KCNH7: variants seen among roughly 807,000 people sequenced by gnomAD.
KCNH7 encodes the protein potassium voltage-gated channel subfamily H member 7.
In KCNH7, 49 loss-of-function variants were observed where a neutral mutation model predicts 120.8. That is an observed-to-expected ratio of 0.41 (90% confidence interval 0.32 to 0.51). KCNH7 has a LOEUF of 0.51. Among genes scored for constraint, KCNH7 ranks in the 20% least tolerant of loss-of-function variants. The pLI, the probability that KCNH7 is intolerant of heterozygous loss-of-function variation, is 0.38. For synonymous variants in KCNH7, 547 were observed against 516.1 expected (o/e 1.06, Z -0.81); for missense variants, 1,097 against 1,446.6 (o/e 0.76, Z 3.92).
At chr2:162,405,654 A>G (rs942799783) in intron 9 of KCNH7, among the ~76,000 whole-genome samples, 2 of 152,034 alleles carry the variant, frequency 1.3e-5, no homozygotes, top group Non-Finnish European at 2.9e-5. Context: ...GAATGCAAAA[A>G]TGAATGTGTG....
chr2:162,550,611 C>A (rs1337127595), intron 2 of KCNH7, among the ~76,000 whole-genome samples: 1 of 152,052 alleles, frequency 6.6e-6, no homozygotes, highest in Non-Finnish European at 1.5e-5. Context: ...TAGCCCTGGG[C>A]CACTGCACCA....
intron 6 of KCNH7, among the ~76,000 whole-genome samples, chr2:162,503,126 C>T (rs1404144002): frequency 1.3e-5 from 2 of 152,002 alleles, no homozygotes; most frequent in Non-Finnish European, 2.9e-5. Context: ...GCCACAGTCC[C>T]CATTGCCATG....
intron 2 of KCNH7, among the ~76,000 whole-genome samples, chr2:162,652,048 A>T (rs189436771): frequency 6.6e-6 from 1 of 152,166 alleles, no homozygotes; most frequent in Admixed American, 6.5e-5. Flanking sequence ...TTAAAGTTTT[A>T]TTCTTCTGTA....
intron 9 of KCNH7, among the ~76,000 whole-genome samples, chr2:162,409,816 G>A (rs552930287): frequency 6.6e-6 from 1 of 151,974 alleles, no homozygotes; most frequent in Admixed American, 6.6e-5. Context: ...AATTAAGAAT[G>A]CAATCTCATT....
At chr2:162,624,889 G>GTTTTTTTT (rs66562676) in intron 2 of KCNH7, among the ~76,000 whole-genome samples, 9 of 69,738 alleles carry the variant, frequency 1.3e-4, no homozygotes, top group Middle Eastern at 0.012. Flanking sequence ...TGCACTCTTG[G>GTTTTTTTT]TTTTTTTTTT....
chr2:162,622,663 C>T (rs750466980), intron 2 of KCNH7, among the ~76,000 whole-genome samples: 29 of 152,032 alleles, frequency 1.9e-4, no homozygotes, highest in Non-Finnish European at 3.5e-4. Flanking sequence ...TCGTGAAATG[C>T]AATGATAAAT....
chr2:162,524,377 A>G (rs1691630715), intron 3 of KCNH7, among the ~76,000 whole-genome samples: 2 of 151,986 alleles, frequency 1.3e-5, no homozygotes, highest in South Asian at 4.1e-4. Context: ...TTAAACTACA[A>G]TTTCCAGGGA....
intron 2 of KCNH7, among the ~76,000 whole-genome samples, chr2:162,621,080 CCTT>C (rs1362907394): frequency 6.6e-6 from 1 of 151,886 alleles, no homozygotes; most frequent in East Asian, 1.9e-4. Context: ...TCATTTCACA[CCTT>C]CTTATGGTGT....
intron 2 of KCNH7, among the ~76,000 whole-genome samples, chr2:162,659,372 C>T (rs566717075): frequency 4.1e-5 from 6 of 145,928 alleles, no homozygotes; most frequent in African/African-American, 1.5e-4. Flanking sequence ...GACTCAGTCT[C>T]GCTTTGTCAC....
At chr2:162,539,286 C>T (rs1692221730) in intron 2 of KCNH7, among the ~76,000 whole-genome samples, 1 of 152,058 alleles carries the variant, frequency 6.6e-6, no homozygotes, top group Non-Finnish European at 1.5e-5. Flanking sequence ...AACCAAAATA[C>T]ATATTGATTT....
chr2:162,684,513 A>C (rs1276053387), intron 2 of KCNH7, among the ~76,000 whole-genome samples: 1 of 152,186 alleles, frequency 6.6e-6, no homozygotes, highest in African/African-American at 2.4e-5. Context: ...GAAAAAAACA[A>C]ACAACCCCAT....
intron 2 of KCNH7, among the ~76,000 whole-genome samples, chr2:162,628,397 C>T (rs1024936391): frequency 6.6e-6 from 1 of 152,074 alleles, no homozygotes; most frequent in Non-Finnish European, 1.5e-5. Flanking sequence ...CACACTGTCT[C>T]TCTATGTGGG....
At chr2:162,468,066 C>T (rs1365670228) in intron 6 of KCNH7, among the ~76,000 whole-genome samples, 1 of 152,178 alleles carries the variant, frequency 6.6e-6, no homozygotes, top group Non-Finnish European at 1.5e-5. Context: ...GACCACAGAA[C>T]TGACTCTGTC....
intron 2 of KCNH7, among the ~76,000 whole-genome samples, chr2:162,707,721 A>G (rs1002048227): frequency 6.6e-6 from 1 of 152,092 alleles, no homozygotes; most frequent in Non-Finnish European, 1.5e-5. Flanking sequence ...CAAGGTAGGG[A>G]AGGATACAGT....
intron 14 of KCNH7, among the ~76,000 whole-genome samples, chr2:162,377,874 T>A (rs1218497204): frequency 6.6e-6 from 1 of 152,196 alleles, no homozygotes; most frequent in Non-Finnish European, 1.5e-5. Flanking sequence ...AATAATAACA[T>A]ACTAATGTAA....
In KCNH7 at chr2:162,396,843, T is replaced by C; in HGVS notation, c.2510A>G (p.Gln837Arg). Residue 837 changes from glutamine to arginine, a missense_variant, in exon 11 of 16, where the codon CAG (glutamine) becomes CGG (arginine). Gln to Arg is a conservative substitution (Grantham distance 43, BLOSUM62 1). Transcript: ENST00000332142. ...ALTYCDLHKI[Q>R]REDLLEVLDM... The stretch of plus-strand genomic sequence containing the variant: ...CAAAACCTCTAACAAGTCTTCTCGC[T>C]GAATCTTATGCAAGTCACAGTATGT... The C allele has an allele frequency of 6.2e-7, 1 of 1,611,866 alleles. No homozygotes were observed. Among genetic ancestry groups the C allele is most frequent in the Non-Finnish European group, 8.5e-7 (1 of 1,178,646 alleles).
intron 8 of KCNH7, among the ~76,000 whole-genome samples, chr2:162,424,446 A>G (rs1187071447): frequency 6.6e-6 from 1 of 152,208 alleles, no homozygotes; most frequent in Non-Finnish European, 1.5e-5. Context: ...ATCACGATAT[A>G]TATTCTGAAT....
chr2:162,591,121 A>T (rs1694201802), intron 2 of KCNH7, among the ~76,000 whole-genome samples: 1 of 152,058 alleles, frequency 6.6e-6, no homozygotes, highest in Admixed American at 6.6e-5. Flanking sequence ...AGGCTCAGCT[A>T]AACCCTCTTC....
At chr2:162,478,679 CA>C (rs1444235617) in intron 6 of KCNH7, among the ~76,000 whole-genome samples, 1 of 152,120 alleles carries the variant, frequency 6.6e-6, no homozygotes, top group East Asian at 1.9e-4. Context: ...AAGTCCAAAT[CA>C]ATGAGGTTTT....
Sources: gnomAD v4.1 joint callset for allele counts (sites outside exome capture counted in the v4.1 genomes callset) on GRCh38, gnomAD v4.1.1 for gene constraint, MANE v1.5 for transcripts, NCBI Gene and HGNC (gene_info 2026-07-23, HGNC 2026-07-21) for gene names.